Variants in SLC38A7 observed in about 807,000 individuals in gnomAD.
SLC38A7 encodes solute carrier family 38 member 7.
A neutral mutation model predicts 50.1 loss-of-function variants in SLC38A7; 29 were observed. That is an observed-to-expected ratio of 0.58 (90% CI 0.43 to 0.79). The LOEUF is 0.79. SLC38A7 is among the 30% of genes least tolerant of loss of function. SLC38A7 has a pLI of 0.00. For synonymous variants in SLC38A7, 244 were observed against 245.9 expected (o/e 0.99, Z 0.07); for missense variants, 483 against 610.6 (o/e 0.79, Z 2.20).
chr16:58,673,238 ATT>A lies in SLC38A7; in HGVS notation c.884-997_884-996del, dbSNP rs35439184. Among the ~76,000 whole-genome samples, 636 of 137,698 alleles carry A rather than the reference ATT, an allele frequency of 4.6e-3. 10 individuals carry two copies. Among genetic ancestry groups the A allele is most frequent in the African/African-American group, 0.016 (591 of 37,318 alleles). The allele number at this position is 137,698 out of a possible 152,430, so 90.3% of individuals were successfully genotyped here. ...AGTCACCTGCCGCCACACCTGGCTA[ATT>A]TTTTTTTTTTTTTGAGATGGAGTTT... On this transcript the variant is annotated intron_variant, in intron 8 of 11. Transcript: ENST00000219320.
At chr16:58,679,071 T>G (rs368415175) in intron 3 of SLC38A7, among the ~76,000 whole-genome samples, 177 bp from the exon 4 acceptor site, 1 of 152,324 alleles carries the variant, frequency 6.6e-6, no homozygotes, top group African/African-American at 2.4e-5. Context: ...AACAAAAAGT[T>G]TTTTGAAAAA....
In SLC38A7 at chr16:58,677,539, G is replaced by C. The variant is rs189494675; in HGVS notation, c.612-115C>G. On this transcript the variant is annotated intron_variant, in intron 5 of 11. Coordinates refer to ENST00000219320, the MANE Select transcript of SLC38A7 (RefSeq NM_018231.3). ...CCACAAGTGTCCACTGAATGAACCGGAGACTATGCCAAGCAGACTCAGGAA... is the reference window on the plus strand; with the variant it reads ...CCACAAGTGTCCACTGAATGAACCGCAGACTATGCCAAGCAGACTCAGGAA... 42 of 846,136 alleles carry C rather than the reference G, an allele frequency of 5.0e-5. No individual in the cohort carries two copies. The East Asian group carries it at 1.1e-3, about 22-fold the overall frequency. The allele number at this position is 846,136 out of a possible 1,614,324, so 52.4% of individuals were successfully genotyped here.
chr16:58,670,955 G>T, intron 10 of SLC38A7, 90 bp downstream of exon 10: 1 of 1,375,898 alleles, frequency 7.3e-7, no homozygotes, highest in Non-Finnish European at 1.0e-6. Context: ...ACTCTCTCCT[G>T]CATGTTTTGA....
chr16:58,680,388 TG>T (rs1217968231), intron 2 of SLC38A7, 147 bp from the exon 3 acceptor site: 2 of 385,478 alleles, frequency 5.2e-6, no homozygotes, highest in African/African-American at 4.1e-5. Flanking sequence ...TGCCAGAGTA[TG>T]GGGAGACAGA....
chr16:58,667,578 T>C (rs1299553578), intron 11 of SLC38A7, 91 bp from the exon 12 acceptor site: 4 of 987,196 alleles, frequency 4.1e-6, no homozygotes, highest in Non-Finnish European at 5.8e-6. Context: ...ACTGTAATTA[T>C]CGCACTTCTC....
intron 2 of SLC38A7, among the ~76,000 whole-genome samples, chr16:58,683,015 C>T (rs139619428): frequency 1.3e-5 from 2 of 151,846 alleles, no homozygotes; most frequent in African/African-American, 4.8e-5. Flanking sequence ...GTGACTTCTC[C>T]CACGTGACAA....
rs781118550 is a variant in SLC38A7 at position 58,671,091 on chromosome 16, G to GATCACCTT, written c.1177_1184dup (p.Ser396ArgfsTer2). 4 of 1,613,322 alleles carry GATCACCTT rather than the reference G, an allele frequency of 2.5e-6. No homozygotes were observed. The highest frequency in any genetic ancestry group is 3.4e-6 in the Non-Finnish European group (4 of 1,179,664). The stretch of plus-strand genomic sequence containing the variant: ...AGGCGGCCAGGCCTCCAATGACTGA[G>GATCACCTT]ATCACCTTGCCGATGTCAGGGATGA... On this transcript the variant is annotated stop_gained and frameshift_variant, in exon 10 of 12. Coordinates refer to ENST00000219320, the MANE Select transcript of SLC38A7 (RefSeq NM_018231.3). LOFTEE classifies it high-confidence loss of function.
Position 58,678,806 on chromosome 16 carries a change from C to G in SLC38A7, c.359G>C (p.Trp120Ser). The G allele has an allele frequency of 6.2e-7, 1 of 1,614,226 alleles. No homozygotes were observed. The highest frequency in any genetic ancestry group is 8.5e-7 in the Non-Finnish European group (1 of 1,180,048). Residue 120 changes from tryptophan to serine, a missense_variant, in exon 4 of 12, where the codon TGG (tryptophan) becomes TCG (serine). Transcript: ENST00000219320. This position sits in a 1 kb window ranked among gnomAD's most constrained non-coding sequence, Gnocchi z 4.0. ...ACCTGTCAGCTTGCCACACACAGCCCATACCACCTCCTGGTAGGTCCTCTC... is the reference window on the plus strand; with the variant it reads ...ACCTGTCAGCTTGCCACACACAGCCGATACCACCTCCTGGTAGGTCCTCTC... ...SNERTYQEVV[W>S]AVCGKLTGVL...
At position 58,684,734 on chromosome 16, in the gene SLC38A7, C is replaced by A. The variant is rs182054327; in HGVS notation, c.-357G>T. ...CCACCTACCTTGGGGGATTCTTTCC[C>A]GAGCCGGCTGCGGAGACACGTGAGC... On this transcript the variant is annotated 5_prime_UTR_variant, in exon 1 of 12. Transcript: ENST00000219320. 1.3e-5 allele frequency: 2 copies of A among 152,386 alleles called. No individual in the cohort carries two copies. The highest frequency in any genetic ancestry group is 2.4e-5 in the African/African-American group (1 of 41,572). The allele number at this position is 152,386 out of a possible 1,614,324, so 9.4% of individuals were successfully genotyped here.
chr16:58,677,500 T>C, intron 5 of SLC38A7, 76 bp from the exon 6 acceptor site: 1 of 1,309,262 alleles, frequency 7.6e-7, no homozygotes, highest in Non-Finnish European at 1.1e-6. Context: ...GACATCCACC[T>C]TCAGCTCTAG....
chr16:58,683,774 CT>C (rs932338985), intron 2 of SLC38A7, 180 bp downstream of exon 2: 2 of 152,470 alleles, frequency 1.3e-5, no homozygotes, highest in Admixed American at 1.3e-4. Flanking sequence ...TTGGGCACCC[CT>C]GCCCGAGTCC....
chr16:58,676,416 C>T, intron 6 of SLC38A7, 70 bp from the exon 7 acceptor site: 1 of 1,556,398 alleles, frequency 6.4e-7, no homozygotes, highest in East Asian at 2.2e-5. Context: ...CACGCCCTCA[C>T]TCTTCGGTCA....
chr16:58,676,437 G>T, intron 6 of SLC38A7, 91 bp from the exon 7 acceptor site: 3 of 1,378,618 alleles, frequency 2.2e-6, no homozygotes, highest in Non-Finnish European at 3.1e-6. Context: ...GCCCACCATG[G>T]TCTCCAGCAA....
chr16:58,675,376 A>G (rs905123118), intron 8 of SLC38A7: 1 of 420,850 alleles, frequency 2.4e-6, no homozygotes, highest in Non-Finnish European at 4.6e-6. Context: ...TTAGCTGGGC[A>G]CAATGGCACA....
At chr16:58,676,694 C>T (rs1160475625) in intron 6 of SLC38A7, among the ~76,000 whole-genome samples, 4 of 152,176 alleles carry the variant, frequency 2.6e-5, no homozygotes, top group African/African-American at 4.8e-5. Context: ...CTCTGTCACC[C>T]AGGCTGGAGT....
intron 6 of SLC38A7, among the ~76,000 whole-genome samples, 154 bp downstream of exon 6, chr16:58,677,172 G>C (rs2044285755): frequency 6.6e-6 from 1 of 152,020 alleles, no homozygotes; most frequent in Non-Finnish European, 1.5e-5. Flanking sequence ...CAGAGCAGGG[G>C]CTCTTTCCTC....
In SLC38A7 at chr16:58,677,340, C is replaced by T. The variant is rs745520578; in HGVS notation, c.696G>A (p.Gly232=). The change falls in exon 6 of 12, where the codon GGG becomes GGA. Residue 232 remains glycine, a synonymous_variant. Coordinates refer to ENST00000219320, the MANE Select transcript of SLC38A7 (RefSeq NM_018231.3). The part of the protein sequence containing the change: ...YIWPDKEMTP[G]NILTRPASWM... Reference sequence around the variant, plus strand: ...CTCACCCTCACCTGGTCAGGATGTTCCCTGGGGTCATCTCTTTATCTGGCC... The same window carrying T: ...CTCACCCTCACCTGGTCAGGATGTTTCCTGGGGTCATCTCTTTATCTGGCC... 5 of 1,614,018 alleles carry T rather than the reference C, an allele frequency of 3.1e-6. No homozygotes were observed. The highest frequency in any genetic ancestry group is 4.2e-6 in the Non-Finnish European group (5 of 1,179,950).
intron 6 of SLC38A7, 56 bp from the exon 7 acceptor site, chr16:58,676,402 A>G: frequency 6.3e-7 from 1 of 1,591,990 alleles, no homozygotes; most frequent in Non-Finnish European, 8.6e-7. Flanking sequence ...GCCACAACCC[A>G]CCCCACGCCC....
chr16:58,674,047 A>C (rs1160526975), intron 8 of SLC38A7, among the ~76,000 whole-genome samples: 1 of 149,180 alleles, frequency 6.7e-6, no homozygotes, highest in African/African-American at 2.5e-5. Context: ...CTGGTCTCGA[A>C]CTCCTGGCCT....
Sources: gnomAD v4.1 joint callset for allele counts (sites outside exome capture counted in the v4.1 genomes callset) on GRCh38, gnomAD v4.1.1 for gene constraint, Gnocchi (gnomAD v3.1) non-coding constraint, MANE v1.5 for transcripts, NCBI Gene and HGNC (gene_info 2026-07-23, HGNC 2026-07-21) for gene names.